The following PTPRD variants were observed in gnomAD, a reference collection of about 807,000 sequenced individuals.
PTPRD encodes protein tyrosine phosphatase receptor type D.
In PTPRD, 34 loss-of-function variants were observed where a neutral mutation model predicts 214.5. That is an observed-to-expected ratio of 0.16 (90% confidence interval 0.12 to 0.21). PTPRD has a LOEUF of 0.21. Ranked by LOEUF, PTPRD falls within the 10% of genes least tolerant of loss-of-function variation. The pLI is 1.00. For missense variants in PTPRD, 2,545 were observed against 2,398.7 expected (o/e 1.06, Z -1.27); for synonymous variants, 1,128 against 845.7 (o/e 1.33, Z -5.79).
chr9:10,177,584 T>G (rs2099256903), intron 3 of PTPRD, among the ~76,000 whole-genome samples: 1 of 151,868 alleles, frequency 6.6e-6, no homozygotes, highest in Non-Finnish European at 1.5e-5. Flanking sequence ...GGAGGCTTTC[T>G]TGTATTTGTG....
At chr9:8,686,158 T>C (rs974834773) in intron 12 of PTPRD, among the ~76,000 whole-genome samples, 4 of 152,244 alleles carry the variant, frequency 2.6e-5, no homozygotes, top group Non-Finnish European at 4.4e-5. Flanking sequence ...CTCAATTTCA[T>C]CTTTAGTAAA....
At chr9:10,046,623 A>T (rs983214024) in intron 3 of PTPRD, among the ~76,000 whole-genome samples, 4 of 151,958 alleles carry the variant, frequency 2.6e-5, no homozygotes, top group Non-Finnish European at 5.9e-5. Context: ...GATGTTATTT[A>T]CTTGCAACTA....
At chr9:10,493,774 T>C (rs1343429653) in intron 2 of PTPRD, among the ~76,000 whole-genome samples, 1 of 152,038 alleles carries the variant, frequency 6.6e-6, no homozygotes, top group Admixed American at 6.6e-5. Flanking sequence ...TAACATCTTT[T>C]CACTTCTCCC....
intron 8 of PTPRD, among the ~76,000 whole-genome samples, chr9:9,494,196 G>C (rs769744825): frequency 6.6e-6 from 1 of 152,156 alleles, no homozygotes; most frequent in African/African-American, 2.4e-5. Flanking sequence ...GTTTTCATGA[G>C]ATGAAATCTA....
At chr9:9,360,627 G>A (rs1313139497) in intron 9 of PTPRD, among the ~76,000 whole-genome samples, 1 of 151,052 alleles carries the variant, frequency 6.6e-6, no homozygotes, top group Non-Finnish European at 1.5e-5. Flanking sequence ...AAGTTATTTA[G>A]TAGCAAAAAT....
At chr9:9,909,211 C>G (rs534520093) in intron 5 of PTPRD, among the ~76,000 whole-genome samples, 1 of 151,832 alleles carries the variant, frequency 6.6e-6, no homozygotes, top group Non-Finnish European at 1.5e-5. Flanking sequence ...AATGGCATAT[C>G]TGTCAGCTGT....
chr9:9,568,931 T>C (rs1016235580), intron 8 of PTPRD, among the ~76,000 whole-genome samples: 2 of 151,804 alleles, frequency 1.3e-5, no homozygotes, highest in African/African-American at 4.8e-5. Flanking sequence ...TACATACAGA[T>C]GCTTAGTGGG....
intron 10 of PTPRD, among the ~76,000 whole-genome samples, chr9:9,096,122 T>C (rs1024001782): frequency 2.6e-4 from 40 of 152,300 alleles, no homozygotes; most frequent in African/African-American, 9.4e-4. Context: ...AAGTAGCAGA[T>C]ATGTAGGATG....
chr9:10,014,483 G>C (rs1232869649), intron 4 of PTPRD, among the ~76,000 whole-genome samples: 1 of 151,978 alleles, frequency 6.6e-6, no homozygotes, highest in Non-Finnish European at 1.5e-5. Context: ...TCAAATGGTT[G>C]TTTTCTAATG....
intron 7 of PTPRD, among the ~76,000 whole-genome samples, chr9:9,582,095 G>A (rs1430797081): frequency 6.6e-6 from 1 of 152,030 alleles, no homozygotes; most frequent in Non-Finnish European, 1.5e-5. Context: ...TTTTATATAA[G>A]TTTGAGTGGG....
At chr9:10,054,525 T>C (rs1250169031) in intron 3 of PTPRD, among the ~76,000 whole-genome samples, 1 of 152,164 alleles carries the variant, frequency 6.6e-6, no homozygotes, top group East Asian at 1.9e-4. Flanking sequence ...CTTGTAATTG[T>C]AAATCCTTTC....
Position 8,376,839 on chromosome 9 carries a change from T to C in PTPRD, c.4387-113A>G, listed in dbSNP as rs184563397. 18 of 1,404,264 alleles carry C rather than the reference T, an allele frequency of 1.3e-5. No individual in the cohort carries two copies. The Admixed American group carries it at 3.7e-4, about 29-fold the overall frequency. The allele number at this position is 1,404,264 out of a possible 1,614,324, so 87.0% of individuals were successfully genotyped here. A position where few individuals can be genotyped will look rare whatever the true frequency, so the allele number is the denominator to read the frequency against. On this transcript the variant is annotated intron_variant, in intron 37 of 45. Coordinates refer to ENST00000381196, the MANE Select transcript of PTPRD (RefSeq NM_002839.4). ...TTTTCTGCACTTCATTTTATGTTGA[T>C]CTTTTTCTGGCATGCATTTTTGTTA...
chr9:8,934,482 T>TATATATATAA (rs1567100390), intron 11 of PTPRD, among the ~76,000 whole-genome samples: 196 of 7,610 alleles, frequency 0.026, 10 homozygotes, highest in Middle Eastern at 0.19. Context: ...TATATAAATA[T>TATATATATAA]ATATATATAT....
intron 39 of PTPRD, among the ~76,000 whole-genome samples, chr9:8,359,623 C>A (rs1387114717): frequency 6.6e-6 from 1 of 152,118 alleles, no homozygotes; most frequent in Non-Finnish European, 1.5e-5. Flanking sequence ...CGTGAGCCAC[C>A]CCACCCGGCC....
rs561414539 is a variant in PTPRD at position 9,129,610 on chromosome 9, C to T, written c.-143+53694G>A. Among the ~76,000 whole-genome samples, 8 of 152,246 alleles carry T rather than the reference C, an allele frequency of 5.3e-5. No homozygotes were observed. In the South Asian group the frequency reaches 1.7e-3, roughly 32 times the overall value. ...TTATATCACTATAGGTAATATGCTA[C>T]CCCTTAAGTGGTAGCTGTGCCACTC... On this transcript the variant is annotated intron_variant, in intron 10 of 45. Transcript: ENST00000381196.
intron 5 of PTPRD, among the ~76,000 whole-genome samples, chr9:9,841,791 A>C (rs1471924336): frequency 6.6e-6 from 1 of 152,060 alleles, no homozygotes; most frequent in Non-Finnish European, 1.5e-5. Context: ...TAACCCATAC[A>C]CACATGCCAT....
intron 12 of PTPRD, among the ~76,000 whole-genome samples, chr9:8,723,339 G>A (rs1008296300): frequency 1.3e-5 from 2 of 151,964 alleles, no homozygotes; most frequent in South Asian, 2.1e-4. Flanking sequence ...ACCAAACCAA[G>A]ACCTATCCTC....
chr9:10,286,713 T>A (rs1329941043), intron 3 of PTPRD, among the ~76,000 whole-genome samples: 3 of 152,086 alleles, frequency 2.0e-5, no homozygotes, highest in Non-Finnish European at 4.4e-5. Flanking sequence ...TTCTCCTTGC[T>A]ACAGCATCCC....
chr9:9,168,869 A>AT (rs1592810295), intron 10 of PTPRD, among the ~76,000 whole-genome samples: 3 of 151,780 alleles, frequency 2.0e-5, no homozygotes, highest in Non-Finnish European at 4.4e-5. Context: ...TGTCTTTTAG[A>AT]TTTTTTTAAA....
Sources: gnomAD v4.1 joint callset for allele counts (sites outside exome capture counted in the v4.1 genomes callset) on GRCh38, gnomAD v4.1.1 for gene constraint, MANE v1.5 for transcripts, NCBI Gene and HGNC (gene_info 2026-07-23, HGNC 2026-07-21) for gene names.